The following SYCP1 variants were observed in gnomAD, a reference collection of about 807,000 sequenced individuals.
SYCP1 encodes the protein synaptonemal complex protein 1.
SYCP1 carries 64 observed loss-of-function variants against 153.1 expected under a neutral mutation model. The ratio of observed to expected loss-of-function variants is 0.42; its 90% CI spans 0.34 to 0.51. The LOEUF (loss-of-function observed/expected upper bound fraction) is 0.51, where lower values mean the gene tolerates loss of function less well. Ranked by LOEUF, SYCP1 falls within the 20% of genes least tolerant of loss-of-function variation. The pLI is 0.06. For synonymous variants in SYCP1, 384 were observed against 341.8 expected, an observed-to-expected ratio of 1.12 and a Z score of -1.36; for missense variants, 997 against 1,049.0, an observed-to-expected ratio of 0.95 and a Z score of 0.68.
intron 12 of SYCP1, among the ~76,000 whole-genome samples, chr1:114,883,841 C>T (rs1666114814): frequency 6.6e-6 from 1 of 152,060 alleles, no homozygotes; most frequent in South Asian, 2.1e-4. Context: ...TACAGGCATG[C>T]ACCACCATGC....
At chr1:114,890,250 G>A (rs1358205270) in intron 15 of SYCP1, among the ~76,000 whole-genome samples, 1 of 151,842 alleles carries the variant, frequency 6.6e-6, no homozygotes, top group Non-Finnish European at 1.5e-5. Context: ...CCAAAATGAA[G>A]GGGTGAGCAA....
chr1:114,972,296 G>C (rs1234914003), intron 27 of SYCP1, among the ~76,000 whole-genome samples: 4 of 151,396 alleles, frequency 2.6e-5, no homozygotes, highest in African/African-American at 9.7e-5. Context: ...TTTATTTGAG[G>C]CCTCTCTCTT....
chr1:114,963,147 C>T (rs192534565), intron 27 of SYCP1, among the ~76,000 whole-genome samples: 14 of 152,246 alleles, frequency 9.2e-5, no homozygotes, highest in Non-Finnish European at 1.9e-4. Context: ...GACTATGTGC[C>T]TAGATTACGA....
intron 21 of SYCP1, 81 bp from the exon 22 acceptor site, chr1:114,926,197 G>A: frequency 1.8e-6 from 2 of 1,087,200 alleles, no homozygotes; most frequent in Non-Finnish European, 2.4e-6. Flanking sequence ...AGTACTTTAT[G>A]CAATATTTTT....
At chr1:114,950,116 G>T (rs969966231) in intron 27 of SYCP1, among the ~76,000 whole-genome samples, 2 of 152,174 alleles carry the variant, frequency 1.3e-5, no homozygotes, top group Admixed American at 6.5e-5. Flanking sequence ...TTGGCCAAAG[G>T]TTTTGTTTTG....
chr1:114,963,533 C>T (rs1251908345), intron 27 of SYCP1, among the ~76,000 whole-genome samples: 1 of 151,984 alleles, frequency 6.6e-6, no homozygotes, highest in Non-Finnish European at 1.5e-5. Flanking sequence ...TTGCCCCCAA[C>T]CCCTGACAGA....
intron 20 of SYCP1, among the ~76,000 whole-genome samples, chr1:114,919,891 T>G (rs1490737422): frequency 6.6e-6 from 1 of 151,972 alleles, no homozygotes; most frequent in Non-Finnish European, 1.5e-5. Flanking sequence ...GTCTTCTCTC[T>G]TTTTTTCTTA....
intron 20 of SYCP1, among the ~76,000 whole-genome samples, chr1:114,921,648 CAA>C (rs60500508): frequency 1.5e-5 from 2 of 135,276 alleles, no homozygotes; most frequent in Non-Finnish European, 1.6e-5. Context: ...GACTCTGTCT[CAA>C]AAAAAAAAAA....
At chr1:114,914,938 C>CA (rs1668421179) in intron 20 of SYCP1, among the ~76,000 whole-genome samples, 1 of 152,082 alleles carries the variant, frequency 6.6e-6, no homozygotes, top group African/African-American at 2.4e-5. Context: ...CACATGCACA[C>CA]ACACAGCATC....
At chr1:114,962,132 G>A (rs577723046) in intron 27 of SYCP1, among the ~76,000 whole-genome samples, 15 of 151,888 alleles carry the variant, frequency 9.9e-5, no homozygotes, top group African/African-American at 4.8e-5. Context: ...ACAGGCAGCC[G>A]GCACAACACC....
At chr1:114,957,091 G>A (rs945715620) in intron 27 of SYCP1, among the ~76,000 whole-genome samples, 80 of 148,344 alleles carry the variant, frequency 5.4e-4, no homozygotes, top group African/African-American at 1.8e-3. Flanking sequence ...TAGAAACAGG[G>A]TTTCTCTCTC....
chr1:114,860,667 A>G (rs1664306925), intron 7 of SYCP1, 69 bp from the exon 8 acceptor site: 8 of 967,908 alleles, frequency 8.3e-6, no homozygotes, highest in African/African-American at 5.1e-5. Flanking sequence ...AATATATTTC[A>G]TAACTTATAT....
Position 114,994,742 on chromosome 1 carries a change from C to A in SYCP1, c.2748C>A (p.Asn916Lys). The A allele has an allele frequency of 6.3e-7, 1 of 1,592,544 alleles. No homozygotes were observed. Among genetic ancestry groups the A allele is most frequent in the South Asian group, 1.2e-5 (1 of 85,996 alleles). ...EEETLKTLYR[N>K]NNPPASHLCV... ...AGACATTGAAAACACTGTATAGGAA[C>A]AATAATCCACCAGCTTCTCATCTTT... The change falls in exon 31 of 32, where the codon AAC becomes AAA. Residue 916 changes from asparagine (N) to lysine (K), a missense_variant. Around this residue, in one of 2 missense-constraint regions of SYCP1, gnomAD observed 712 missense variants for 682.9 expected, o/e 1.04. Coordinates refer to ENST00000369522, the MANE Select transcript of SYCP1 (RefSeq NM_003176.4).
At chr1:114,971,583 G>A (rs1264140922) in intron 27 of SYCP1, among the ~76,000 whole-genome samples, 1 of 152,036 alleles carries the variant, frequency 6.6e-6, no homozygotes, top group African/African-American at 2.4e-5. Context: ...GTCATATACG[G>A]CTTTTATTAT....
intron 16 of SYCP1, among the ~76,000 whole-genome samples, chr1:114,908,030 T>G (rs1445600093): frequency 6.6e-6 from 1 of 152,190 alleles, no homozygotes; most frequent in Non-Finnish European, 1.5e-5. Flanking sequence ...TTCTTTATTT[T>G]TTCCTGAAGA....
At chr1:114,884,542 A>C (rs1332688276) in intron 12 of SYCP1, among the ~76,000 whole-genome samples, 1 of 152,138 alleles carries the variant, frequency 6.6e-6, no homozygotes, top group Non-Finnish European at 1.5e-5. Flanking sequence ...CAGCACAATC[A>C]TTGTTTATTT....
chr1:114,874,517 C>A lies in SYCP1; in HGVS notation c.610C>A (p.Arg204=). The part of the protein sequence containing the change: ...AEKTKKYEYE[R]EETRQVYMDL... ...TATATTAACAATAGATGAATATGAA[C>A]GGGAAGAAACCAGGCAAGTTTATAT... is the stretch of plus-strand genomic sequence containing the variant. Residue 204 remains arginine, a synonymous_variant, in exon 9 of 32, where the codon CGG becomes AGG. Coordinates refer to ENST00000369522, the MANE Select transcript of SYCP1 (RefSeq NM_003176.4). 1 of 1,562,222 alleles carries A rather than the reference C, an allele frequency of 6.4e-7. No homozygotes were observed. Among genetic ancestry groups the A allele is most frequent in the Admixed American group, 1.8e-5 (1 of 54,612 alleles).
chr1:114,953,243 G>C (rs1570849695), intron 27 of SYCP1, among the ~76,000 whole-genome samples: 1 of 152,200 alleles, frequency 6.6e-6, no homozygotes, highest in East Asian at 1.9e-4. Context: ...TATGTGGTTT[G>C]CCAGTGTATG....
intron 23 of SYCP1, among the ~76,000 whole-genome samples, chr1:114,928,298 GA>G (rs36069903): frequency 0.39 from 58,512 of 151,882 alleles, 12,471 homozygotes; most frequent in East Asian, 0.5. Context: ...AAGGCAGACA[GA>G]AAAAAATGTC....
Sources: gnomAD v4.1 joint callset for allele counts (sites outside exome capture counted in the v4.1 genomes callset) on GRCh38, gnomAD v4.1.1 for gene constraint, gnomAD v4.1.1 regional missense constraint, MANE v1.5 for transcripts, NCBI Gene and HGNC (gene_info 2026-07-23, HGNC 2026-07-21) for gene names.